The following MACC1 variants were observed in gnomAD, a reference collection of about 807,000 sequenced individuals.
MACC1 encodes MET transcriptional regulator MACC1, also known as metastasis-associated in colon cancer protein 1.
A neutral mutation model predicts 70.7 loss-of-function variants in MACC1; 79 were observed. The observed-to-expected ratio is 1.12, with a 90% CI of 0.93 to 1.35. MACC1 has a LOEUF of 1.35. Among genes scored for constraint, MACC1 ranks in the 40% most tolerant of loss-of-function variants. The pLI is 0.00. For synonymous variants in MACC1, 361 were observed against 347.2 expected (o/e 1.04, Z -0.44); for missense variants, 1,106 against 978.1 (o/e 1.13, Z -1.74).
At chr7:20,182,288 A>T (rs113360734) in intron 1 of MACC1, among the ~76,000 whole-genome samples, 10 of 151,700 alleles carry the variant, frequency 6.6e-5, no homozygotes, top group African/African-American at 2.2e-4. Context: ...ACATGTATAC[A>T]TATGTAACAA....
At chr7:20,160,281 T>A (rs1351893177) in intron 4 of MACC1, 36 bp from the exon 5 acceptor site, 6 of 1,513,996 alleles carry the variant, frequency 4.0e-6, no homozygotes, top group Non-Finnish European at 5.3e-6. Flanking sequence ...AAAACAAAGA[T>A]AAGGTGGCAC....
chr7:20,172,259 C>T (rs1385894673), intron 1 of MACC1, among the ~76,000 whole-genome samples: 1 of 152,202 alleles, frequency 6.6e-6, no homozygotes, highest in Non-Finnish European at 1.5e-5. Context: ...TGCCATTGAT[C>T]TGGGTTTGCC....
intron 1 of MACC1, among the ~76,000 whole-genome samples, chr7:20,213,536 A>T (rs1288799020): frequency 2.0e-5 from 3 of 152,208 alleles, no homozygotes; most frequent in African/African-American, 7.2e-5. Context: ...AAATGCCCAT[A>T]ATGATGGACT....
chr7:20,167,978 G>T (rs983084449), intron 2 of MACC1, among the ~76,000 whole-genome samples: 4 of 152,184 alleles, frequency 2.6e-5, no homozygotes, highest in African/African-American at 9.7e-5. Flanking sequence ...TTCAGACCCA[G>T]AGAAATGACT....
intron 1 of MACC1, among the ~76,000 whole-genome samples, chr7:20,202,868 C>T (rs969040822): frequency 1.3e-5 from 2 of 152,132 alleles, no homozygotes; most frequent in Admixed American, 6.5e-5. Flanking sequence ...TATTCCTAGT[C>T]TAAATTCATT....
chr7:20,196,393 G>A (rs969914477), intron 1 of MACC1, among the ~76,000 whole-genome samples: 7 of 152,052 alleles, frequency 4.6e-5, no homozygotes, highest in African/African-American at 1.7e-4. Context: ...TGTTAGCCAG[G>A]ATGGTCTCAA....
intron 6 of MACC1, among the ~76,000 whole-genome samples, chr7:20,152,699 TA>T (rs1367553906): frequency 6.6e-6 from 1 of 152,024 alleles, no homozygotes; most frequent in African/African-American, 2.4e-5. Context: ...CAAAAGTAAA[TA>T]ATGGAAAAGT....
In MACC1 at chr7:20,158,593, C is replaced by A; in HGVS notation, c.1768G>T (p.Gly590Cys). The part of the protein sequence containing the change: ...LLGEGKVKAI[G>C]QSKVKEWYVG... ...TACCATTCTTTCACTTTGGACTGAC[C>A]AATAGCTTTTACCTTACCTTCCCCG... The change falls in exon 5 of 7, where the codon GGT (glycine) becomes TGT (cysteine). Residue 590 changes from glycine to cysteine, a missense_variant. Gly to Cys is a radical substitution (Grantham distance 159, BLOSUM62 -3). Transcript: ENST00000400331. 2.5e-6 allele frequency: 4 copies of A among 1,613,944 alleles called. No homozygotes were observed. In the South Asian group the frequency reaches 3.3e-5, roughly 13 times the overall value.
intron 1 of MACC1, among the ~76,000 whole-genome samples, chr7:20,172,834 C>G (rs929247599): frequency 1.3e-5 from 2 of 152,204 alleles, no homozygotes; most frequent in Non-Finnish European, 2.9e-5. Flanking sequence ...AGGAGCCTAT[C>G]TCCTTGCTGA....
intron 6 of MACC1, among the ~76,000 whole-genome samples, chr7:20,144,572 G>A (rs1184062240): frequency 1.3e-5 from 2 of 152,082 alleles, no homozygotes; most frequent in African/African-American, 4.8e-5. Flanking sequence ...ACCTCATGAT[G>A]TATCTGGCAT....
intron 1 of MACC1, among the ~76,000 whole-genome samples, chr7:20,194,020 C>A (rs57945145): frequency 7.2e-5 from 11 of 152,104 alleles, no homozygotes; most frequent in African/African-American, 2.7e-4. Flanking sequence ...TTGTGGCCAG[C>A]GGTTCTCTGA....
rs1782120788 is a variant in MACC1, at chr7:20,160,129, A to G, written c.232T>C (p.Leu78=). Residue 78 remains leucine (L), a synonymous_variant, in exon 5 of 7, where the codon TTG becomes CTG. Transcript: ENST00000400331. ...TTTCTTAGTTGAGTTATGTCATCCA[A>G]AAATGGGTTAGAAGCAGACAGTTGA... The part of the protein sequence containing the change: ...WNQLSASNPF[L]DDITQLRNNR... The G allele has an allele frequency of 6.2e-7, 1 of 1,613,390 alleles. No homozygotes were observed. Among genetic ancestry groups the G allele is most frequent in the Non-Finnish European group, 8.5e-7 (1 of 1,179,872 alleles).
At chr7:20,143,365 C>G (rs1426934726) in intron 6 of MACC1, among the ~76,000 whole-genome samples, 4 of 152,146 alleles carry the variant, frequency 2.6e-5, no homozygotes, top group Non-Finnish European at 5.9e-5. Context: ...TCACATTTGG[C>G]AATTTGTTGT....
In MACC1 at chr7:20,154,269, A is replaced by T; in HGVS notation, c.2270T>A (p.Leu757Ter). Residue 757 changes from leucine (L) to a stop codon, truncating the protein, a stop_gained, in exon 6 of 7, where the codon TTA (leucine) becomes TAA (stop). Transcript: ENST00000400331. LOFTEE classifies it high-confidence loss of function. ...CATTTGTTGCTTTGTGAGTCGTACT[A>T]ACTTTTCAGCTAGTTCCCTCCAGCC... Reference protein sequence around the residue: ...GKGWRELAEKLVRLTKQQMEA... With the variant: ...GKGWRELAEK The T allele has an allele frequency of 1.9e-6, 3 of 1,613,994 alleles. No homozygotes were observed. The highest frequency in any genetic ancestry group is 2.5e-6 in the Non-Finnish European group (3 of 1,179,930).
chr7:20,158,096 G>A, intron 5 of MACC1, 108 bp downstream of exon 5: 22 of 1,319,598 alleles, frequency 1.7e-5, no homozygotes, highest in Non-Finnish European at 2.3e-5. Flanking sequence ...ATGTATTTAA[G>A]ACTGTTGAAT....
chr7:20,141,001 A>G lies in MACC1; in HGVS notation c.2504T>C (p.Val835Ala), dbSNP rs749259568. The stretch of plus-strand genomic sequence containing the variant: ...TACTCTCAAAACCTCCAAAGAATTT[A>G]CTAGTATTAAAACTCCAGTTAATTC... ...WRELTGVLIL[V>A]NSLEVLRVTA... is the part of the protein sequence containing the mutation. The change falls in exon 7 of 7, where the codon GTA becomes GCA. Residue 835 changes from valine (V) to alanine (A), a missense_variant. Coordinates refer to ENST00000400331, the MANE Select transcript of MACC1 (RefSeq NM_182762.4). 6.2e-7 allele frequency: 1 copy of G among 1,614,084 alleles called. No individual in the cohort carries two copies. The highest frequency in any genetic ancestry group is 8.5e-7 in the Non-Finnish European group (1 of 1,179,976).
intron 6 of MACC1, among the ~76,000 whole-genome samples, chr7:20,149,593 C>T (rs1305082304): frequency 6.6e-6 from 1 of 152,120 alleles, no homozygotes; most frequent in East Asian, 1.9e-4. Context: ...AGAATCTTAA[C>T]CTCTATGCTC....
intron 1 of MACC1, among the ~76,000 whole-genome samples, chr7:20,203,519 T>C (rs887278544): frequency 1.2e-4 from 18 of 152,208 alleles, no homozygotes; most frequent in African/African-American, 4.3e-4. Flanking sequence ...TTAAGTCAGC[T>C]AAAGCCTCCC....
intron 1 of MACC1, among the ~76,000 whole-genome samples, chr7:20,176,020 T>A (rs1782387853): frequency 6.6e-6 from 1 of 152,116 alleles, no homozygotes; most frequent in African/African-American, 2.4e-5. Context: ...CTCTTGAGCC[T>A]CTGTTTATGC....
Sources: allele counts gnomAD v4.1 joint callset (sites outside exome capture counted in the v4.1 genomes callset), GRCh38; gene constraint gnomAD v4.1.1; transcripts MANE v1.5; gene names NCBI Gene and HGNC (gene_info 2026-07-23, HGNC 2026-07-21).